Variants in VWF observed in about 807,000 individuals in gnomAD.
VWF encodes the protein Factor VIII related antigen.
In VWF, 176 loss-of-function variants were observed where a neutral mutation model predicts 308.6. The ratio of observed to expected loss-of-function variants is 0.57; its 90% confidence interval spans 0.50 to 0.65. The LOEUF (loss-of-function observed/expected upper bound fraction) is 0.65, where lower values mean the gene tolerates loss of function less well. Among genes scored for constraint, VWF ranks in the 30% least tolerant of loss-of-function variants. VWF has a pLI of 0.00. For missense variants in VWF, 3,146 were observed against 3,648.2 expected (o/e 0.86, Z 3.55); for synonymous variants, 1,385 against 1,443.4 (o/e 0.96, Z 0.92).
intron 50 of VWF, 124 bp downstream of exon 50, chr12:5,951,720 A>T: frequency 9.0e-7 from 1 of 1,110,602 alleles, no homozygotes; most frequent in Non-Finnish European, 1.4e-6. Flanking sequence ...TATCTTTCTG[A>T]AATAAAGCTT....
intron 32 of VWF, 120 bp from the exon 33 acceptor site, chr12:6,012,250 A>G (rs1412099800): frequency 1.8e-6 from 2 of 1,108,388 alleles, no homozygotes; most frequent in African/African-American, 1.6e-5. Flanking sequence ...TCTGAAAAGA[A>G]TCTGAACAAG....
chr12:6,018,246 C>G, intron 28 of VWF, 119 bp downstream of exon 28: 2 of 1,300,134 alleles, frequency 1.5e-6, no homozygotes, highest in South Asian at 2.7e-5. Flanking sequence ...CAACCAAGGC[C>G]ACACAGACCA....
At chr12:6,031,337 T>C in intron 21 of VWF, 107 bp downstream of exon 21, 1 of 1,587,374 alleles carries the variant, frequency 6.3e-7, no homozygotes, top group Non-Finnish European at 8.6e-7. Context: ...TTAATGGCTG[T>C]GCGTTATTCC....
chr12:6,098,409 C>T (rs1945126924), intron 5 of VWF, among the ~76,000 whole-genome samples: 1 of 152,160 alleles, frequency 6.6e-6, no homozygotes, highest in South Asian at 2.1e-4. Flanking sequence ...GATTAGAAAA[C>T]ACTGAAACAC....
At chr12:6,038,433 G>C (rs749385301) in intron 18 of VWF, among the ~76,000 whole-genome samples, 2 of 152,148 alleles carry the variant, frequency 1.3e-5, no homozygotes, top group Non-Finnish European at 2.9e-5. Context: ...CCTCACCCTT[G>C]GGCAGGCCGG....
rs11313234 is a variant in VWF at position 6,058,199 on chromosome 12, A to AG, written c.1534-156dup. On this transcript the variant is annotated intron_variant, in intron 13 of 51. Transcript: ENST00000261405. This position sits in a 1 kb window ranked among gnomAD's most constrained non-coding sequence, Gnocchi z 4.9. ...AGGCAGCTAAGCCCTAGGCTGCAAAAGGGGGGGCGGGGGAAAGTGAACTGC... is the reference window on the plus strand; with the variant it reads ...AGGCAGCTAAGCCCTAGGCTGCAAAAGGGGGGGGCGGGGGAAAGTGAACTGC... 3.9e-5 allele frequency among the ~76,000 whole-genome samples: 6 copies of AG among 151,944 alleles called. No individual in the cohort carries two copies. Among genetic ancestry groups the AG allele is most frequent in the African/African-American group, 7.3e-5 (3 of 41,376 alleles).
At chr12:6,123,253 G>T in intron 1 of VWF, 57 bp from the exon 2 acceptor site, 2 of 1,602,842 alleles carry the variant, frequency 1.2e-6, no homozygotes, top group Non-Finnish European at 1.7e-6. Context: ...GCGGCTGCTG[G>T]TGTGGCGACT....
At chr12:6,072,282 C>T in intron 9 of VWF, 49 bp downstream of exon 9, 1 of 1,575,902 alleles carries the variant, frequency 6.3e-7, no homozygotes, top group Non-Finnish European at 8.7e-7. Context: ...GCTTCCCTCC[C>T]CAGTCCCCCA....
intron 34 of VWF, among the ~76,000 whole-genome samples, chr12:6,011,028 T>A (rs2136402901): frequency 6.6e-6 from 1 of 152,302 alleles, no homozygotes; most frequent in East Asian, 1.9e-4. Context: ...TTTGATTGCA[T>A]CCCACCAGTT....
intron 47 of VWF, among the ~76,000 whole-genome samples, chr12:5,967,099 G>A (rs1943412037): frequency 6.6e-6 from 1 of 152,242 alleles, no homozygotes; most frequent in African/African-American, 2.4e-5. Flanking sequence ...TCAAAGGAAT[G>A]TTGTGTAGAG....
At chr12:5,966,408 C>G (rs1260147363) in intron 47 of VWF, among the ~76,000 whole-genome samples, 3 of 152,190 alleles carry the variant, frequency 2.0e-5, no homozygotes, top group African/African-American at 7.2e-5. Flanking sequence ...AAGGAATGCT[C>G]TCTCTGAATC....
rs1943955908 is a variant in VWF at position 6,008,496 on chromosome 12, AAACT to A, written c.5842+3117_5842+3120del. 2.6e-5 allele frequency among the ~76,000 whole-genome samples: 4 copies of A among 152,228 alleles called. No individual in the cohort carries two copies. In the South Asian group the frequency reaches 8.3e-4, roughly 32 times the overall value. On this transcript the variant is annotated intron_variant, in intron 34 of 51. Coordinates refer to ENST00000261405, the MANE Select transcript of VWF (RefSeq NM_000552.5). ...CCATTTCATGATTAAAACATTCAAC[AAACT>A]AAGAATAGAAGAAAATTACCTCAAC... is the stretch of plus-strand genomic sequence containing the variant.
intron 35 of VWF, 128 bp from the exon 36 acceptor site, chr12:5,994,735 T>C (rs762375690): frequency 3.1e-5 from 25 of 812,814 alleles, no homozygotes; most frequent in East Asian, 2.8e-4. Context: ...ACCTTGATAT[T>C]TGTCGGCAGC....
chr12:6,019,772 G>C lies in VWF; in HGVS notation c.3675-29C>G. On this transcript the variant is annotated intron_variant, in intron 27 of 51. Transcript: ENST00000261405. The surrounding 1 kb of genome is among the most constrained non-coding windows in gnomAD (Gnocchi z 5.8). Reference sequence around the variant, plus strand: ...CAGAAAAGAGCGAAGAAATTAAAATGGTTCAGGAAGAACCTGTGGACACTT... The same window carrying C: ...CAGAAAAGAGCGAAGAAATTAAAATCGTTCAGGAAGAACCTGTGGACACTT... 1.3e-6 allele frequency: 2 copies of C among 1,588,902 alleles called. No homozygotes were observed. The highest frequency in any genetic ancestry group is 1.7e-6 in the Non-Finnish European group (2 of 1,168,970).
rs1265499224 is a variant in VWF, at chr12:6,046,738, G to A, written c.2266C>T (p.Pro756Ser). The change falls in exon 17 of 52, where the codon CCC becomes TCC. Residue 756 changes from proline (P) to serine (S), a missense_variant. Coordinates refer to ENST00000261405, the MANE Select transcript of VWF (RefSeq NM_000552.5). The surrounding 1 kb of genome is among the most constrained non-coding windows in gnomAD (Gnocchi z 5.0). Reference sequence around the variant, plus strand: ...CAGTACTCACTGCGATGAGACAGGGGACTGCTGAGGACAGCGTCAGGCAGC... The same window carrying A: ...CAGTACTCACTGCGATGAGACAGGGAACTGCTGAGGACAGCGTCAGGCAGC... ...SLLPDAVLSSPLSHRSKRSLS... is the reference protein window; with the variant it reads ...SLLPDAVLSSSLSHRSKRSLS... 2 of 1,614,162 alleles carry A rather than the reference G, an allele frequency of 1.2e-6. No homozygotes were observed. The highest frequency in any genetic ancestry group is 1.7e-6 in the Non-Finnish European group (2 of 1,180,024).
Position 5,994,398 on chromosome 12 carries a change from T to G in VWF, c.6256+17A>C. On this transcript the variant is annotated intron_variant, in intron 36 of 51. Transcript: ENST00000261405. Reference sequence around the variant, plus strand: ...TGTATAGCAGGGGGAGAAGAGGAGTTGAGAAAATGTTCTTACCACACAGAC... The same window carrying G: ...TGTATAGCAGGGGGAGAAGAGGAGTGGAGAAAATGTTCTTACCACACAGAC... 6.2e-7 allele frequency: 1 copy of G among 1,613,790 alleles called. No individual in the cohort carries two copies. The highest frequency in any genetic ancestry group is 8.5e-7 in the Non-Finnish European group (1 of 1,179,744).
intron 3 of VWF, among the ~76,000 whole-genome samples, chr12:6,118,951 G>A (rs2885753): frequency 0.49 from 74,634 of 152,122 alleles, 20,056 homozygotes; most frequent in Non-Finnish European, 0.63. Flanking sequence ...TCAGTGTTGA[G>A]GATGACTTTC....
intron 6 of VWF, among the ~76,000 whole-genome samples, chr12:6,078,471 C>G (rs1045578920): frequency 2.6e-5 from 4 of 152,204 alleles, no homozygotes; most frequent in Non-Finnish European, 5.9e-5. Context: ...CAGAGAATTA[C>G]GTCACTGAAC....
chr12:6,110,992 T>C (rs745670726), intron 3 of VWF, 24 bp from the exon 4 acceptor site: 21 of 1,570,114 alleles, frequency 1.3e-5, no homozygotes, highest in South Asian at 2.2e-5. Flanking sequence ...AAGTCAATAG[T>C]AGTGATTATT....
Sources: allele counts gnomAD v4.1 joint callset (sites outside exome capture counted in the v4.1 genomes callset), GRCh38; gene constraint gnomAD v4.1.1; non-coding constraint Gnocchi (gnomAD v3.1); transcripts MANE v1.5; gene names NCBI Gene and HGNC (gene_info 2026-07-23, HGNC 2026-07-21).